CASK: variants seen among roughly 807,000 people sequenced by gnomAD.
CASK encodes calcium/calmodulin dependent serine protein kinase.
Under a neutral mutation model 82.9 loss-of-function variants are expected in CASK, and 4 were observed. The observed-to-expected ratio is 0.05, with a 90% confidence interval of 0.02 to 0.11. CASK has a LOEUF of 0.11. Ranked by LOEUF, CASK falls within the 10% of genes least tolerant of loss-of-function variation. CASK has a pLI of 1.00. For synonymous variants in CASK, 259 were observed against 253.5 expected (o/e 1.02, Z -0.20); for missense variants, 358 against 720.9 (o/e 0.50, Z 5.76).
At chrX:41,753,067 C>T (rs948668548) in intron 3 of CASK, among the ~76,000 whole-genome samples, 4 of 111,225 alleles carry the variant, frequency 3.6e-5, no homozygotes, top group African/African-American at 6.5e-5. Flanking sequence ...TATTATATTG[C>T]CATTAAATGA....
chrX:41,750,930 T>C (rs2068777342), intron 3 of CASK, among the ~76,000 whole-genome samples: 1 of 112,489 alleles, frequency 8.9e-6, no homozygotes, highest in African/African-American at 3.2e-5. Context: ...TGTATGTATC[T>C]CATGGCAGAC....
intron 2 of CASK, among the ~76,000 whole-genome samples, chrX:41,821,883 G>A (rs2070551263): frequency 8.9e-6 from 1 of 111,857 alleles, no homozygotes; most frequent in African/African-American, 3.3e-5. Context: ...AAGTCTCTCA[G>A]TCAACAGCCA....
chrX:41,812,889 A>G (rs1260574433), intron 2 of CASK, among the ~76,000 whole-genome samples: 1 of 112,337 alleles, frequency 8.9e-6, no homozygotes, highest in Non-Finnish European at 1.9e-5. Context: ...CAACTTCAGC[A>G]AAGTCTCAGG....
intron 8 of CASK, among the ~76,000 whole-genome samples, chrX:41,638,842 G>A (rs752289809): frequency 9.0e-6 from 1 of 110,914 alleles, no homozygotes; most frequent in South Asian, 3.8e-4. Context: ...TCTTGAGCTA[G>A]AGTGACATGA....
rs770833758 is a variant in CASK, at chrX:41,528,673, G to C, written c.2520+2334C>G. 6.2e-5 allele frequency among the ~76,000 whole-genome samples: 7 copies of C among 112,151 alleles called. 1 individual carries two copies. Among genetic ancestry groups the C allele is most frequent in the African/African-American group, 9.7e-5 (3 of 30,776 alleles). ...ATAAGGGCTTAATACAAGTTTGTTG[G>C]ATTAAATTGTCTGTAAGATACAGTA... On this transcript the variant is annotated intron_variant, in intron 25 of 26. Coordinates refer to ENST00000378163, the MANE Select transcript of CASK (RefSeq NM_001367721.1).
chrX:41,776,349 G>A (rs1455813642), intron 3 of CASK, among the ~76,000 whole-genome samples: 1 of 112,589 alleles, frequency 8.9e-6, no homozygotes, highest in Admixed American at 9.4e-5. Flanking sequence ...ATTATAGGAT[G>A]CATGACTGCA....
intron 2 of CASK, among the ~76,000 whole-genome samples, chrX:41,795,564 G>T (rs2069836091): frequency 9.0e-6 from 1 of 111,263 alleles, no homozygotes. Context: ...TACTCAGGAG[G>T]CTGGGGTGGG....
At chrX:41,671,064 C>T (rs909373291) in intron 6 of CASK, among the ~76,000 whole-genome samples, 3 of 111,328 alleles carry the variant, frequency 2.7e-5, no homozygotes, top group Non-Finnish European at 5.7e-5. Context: ...TAAAAATTAG[C>T]CATCAGTGTA....
intron 5 of CASK, among the ~76,000 whole-genome samples, chrX:41,715,476 G>T (rs953999936): frequency 9.0e-5 from 10 of 110,985 alleles, no homozygotes; most frequent in African/African-American, 3.0e-4. Context: ...AAAATAATTA[G>T]CTGGGCATGG....
intron 14 of CASK, 125 bp downstream of exon 14, chrX:41,586,782 T>G (rs2065664247): frequency 2.0e-6 from 1 of 490,080 alleles, no homozygotes; most frequent in African/African-American, 2.4e-5. Flanking sequence ...TATTGTAATC[T>G]TAATAGTCTC....
At chrX:41,534,015 T>C (rs1246789861) in intron 24 of CASK, among the ~76,000 whole-genome samples, 7 of 111,875 alleles carry the variant, frequency 6.3e-5, no homozygotes, top group African/African-American at 2.3e-4. Flanking sequence ...GGTAGATAGC[T>C]TCTACTTATC....
At chrX:41,910,117 G>A (rs994821865) in intron 1 of CASK, among the ~76,000 whole-genome samples, 1 of 110,838 alleles carries the variant, frequency 9.0e-6, no homozygotes, top group Non-Finnish European at 1.9e-5. Flanking sequence ...AGCTACTCGG[G>A]AGGCTGAGGC....
At chrX:41,693,213 G>A (rs2067609783) in intron 5 of CASK, among the ~76,000 whole-genome samples, 1 of 111,349 alleles carries the variant, frequency 9.0e-6, no homozygotes, top group Non-Finnish European at 1.9e-5. Context: ...CAATATAGGT[G>A]GTTCCTCTAC....
At chrX:41,887,186 G>T (rs903599925) in intron 1 of CASK, among the ~76,000 whole-genome samples, 1 of 109,803 alleles carries the variant, frequency 9.1e-6, no homozygotes. Context: ...ACATGGAAGA[G>T]AAATCAGAGG....
chrX:41,791,819 T>C (rs1214816439), intron 2 of CASK, among the ~76,000 whole-genome samples: 1 of 111,671 alleles, frequency 9.0e-6, no homozygotes, highest in Admixed American at 9.5e-5. Context: ...AGTTGTACTT[T>C]CTTTTTTGTA....
chrX:41,729,210 A>G (rs1352109041), intron 5 of CASK: 1 of 123,223 alleles, frequency 8.1e-6, no homozygotes, highest in Non-Finnish European at 1.9e-5. Context: ...GGACAATCTT[A>G]GGCAAATTAA....
intron 15 of CASK, among the ~76,000 whole-genome samples, chrX:41,577,420 T>C (rs1159062859): frequency 2.7e-5 from 3 of 112,069 alleles, no homozygotes; most frequent in Non-Finnish European, 5.6e-5. Flanking sequence ...ACCCCTCTCA[T>C]ACATTCTCTA....
chrX:41,583,366 C>T (rs1044783460), intron 14 of CASK, among the ~76,000 whole-genome samples: 3 of 111,928 alleles, frequency 2.7e-5, no homozygotes, highest in Non-Finnish European at 3.8e-5. Flanking sequence ...TGGTCTCATA[C>T]GGCCCTATAT....
intron 7 of CASK, among the ~76,000 whole-genome samples, chrX:41,662,806 C>G (rs1428014676): frequency 9.1e-6 from 1 of 109,595 alleles, no homozygotes; most frequent in Non-Finnish European, 1.9e-5. Context: ...AAAGAACCAC[C>G]AAGGTGATGA....
Sources: allele counts gnomAD v4.1 joint callset (sites outside exome capture counted in the v4.1 genomes callset), GRCh38; gene constraint gnomAD v4.1.1; transcripts MANE v1.5; gene names NCBI Gene and HGNC (gene_info 2026-07-23, HGNC 2026-07-21).